Variants in NRG3 observed in about 807,000 individuals in gnomAD.
The protein encoded by NRG3 is neuregulin 3.
NRG3 carries 31 observed loss-of-function variants against 66.9 expected under a neutral mutation model. The observed-to-expected ratio is 0.46, with a 90% CI of 0.35 to 0.63. NRG3 has a LOEUF of 0.63. Ranked by LOEUF, NRG3 falls within the 20% of genes least tolerant of loss-of-function variation. The pLI, the probability that NRG3 is intolerant of heterozygous loss-of-function variation, is 0.00. For missense variants in NRG3, 910 were observed against 878.9 expected (o/e 1.04, Z -0.45); for synonymous variants, 393 against 359.4 (o/e 1.09, Z -1.06).
intron 1 of NRG3, among the ~76,000 whole-genome samples, chr10:81,978,262 T>C (rs964392496): frequency 1.3e-5 from 2 of 152,236 alleles, no homozygotes; most frequent in Non-Finnish European, 2.9e-5. Context: ...GTTATAGATT[T>C]TGATAGTGGG....
At chr10:82,584,942 A>G (rs1320824697) in intron 2 of NRG3, among the ~76,000 whole-genome samples, 2 of 143,186 alleles carry the variant, frequency 1.4e-5, no homozygotes, top group African/African-American at 5.3e-5. Flanking sequence ...ATCAAGATTT[A>G]CTGGAGGATC....
chr10:82,395,170 C>G (rs573279739), intron 2 of NRG3, among the ~76,000 whole-genome samples: 1 of 152,120 alleles, frequency 6.6e-6, no homozygotes, highest in Non-Finnish European at 1.5e-5. Flanking sequence ...CAAAGTACAA[C>G]GCGTAAATGC....
chr10:82,967,578 T>A, intron 6 of NRG3, among the ~76,000 whole-genome samples: 1 of 152,214 alleles, frequency 6.6e-6, no homozygotes, highest in East Asian at 1.9e-4. Context: ...TGAACACTTG[T>A]GACCTTCAGA....
chr10:82,637,055 T>C (rs1300499580), intron 2 of NRG3, among the ~76,000 whole-genome samples: 1 of 152,168 alleles, frequency 6.6e-6, no homozygotes, highest in East Asian at 1.9e-4. Context: ...AATGACTAGA[T>C]TGTAACTGCT....
At chr10:82,761,915 TTTC>T in intron 3 of NRG3, among the ~76,000 whole-genome samples, 1 of 132,394 alleles carries the variant, frequency 7.6e-6, no homozygotes, top group East Asian at 2.1e-4. Flanking sequence ...TTCTTCTTTC[TTTC>T]TTTCTCTTTC....
intron 3 of NRG3, among the ~76,000 whole-genome samples, chr10:82,797,773 C>G (rs1026199934): frequency 2.0e-5 from 3 of 152,068 alleles, no homozygotes; most frequent in Non-Finnish European, 2.9e-5. Context: ...ATTGGTAGAT[C>G]GGAGTTGTCT....
chr10:82,091,063 GT>G (rs920425492), intron 1 of NRG3, among the ~76,000 whole-genome samples: 4,131 of 148,748 alleles, frequency 0.028, 196 homozygotes, highest in African/African-American at 0.097. Flanking sequence ...AGACTAGTTT[GT>G]TTTTTTTTTA....
chr10:82,380,766 T>C (rs181697662), intron 2 of NRG3, among the ~76,000 whole-genome samples: 36 of 152,314 alleles, frequency 2.4e-4, no homozygotes, highest in African/African-American at 1.9e-4. Flanking sequence ...ACCAGTCACA[T>C]TGCACATGTA....
At chr10:81,900,239 C>T (rs747030918) in intron 1 of NRG3, among the ~76,000 whole-genome samples, 20 of 148,190 alleles carry the variant, frequency 1.3e-4, no homozygotes, top group Non-Finnish European at 2.2e-4. Context: ...TGAGCCAATG[C>T]GCCTGGCCGG....
At chr10:82,483,114 T>C (rs1842417385) in intron 2 of NRG3, among the ~76,000 whole-genome samples, 5 of 152,052 alleles carry the variant, frequency 3.3e-5, no homozygotes, top group Admixed American at 3.3e-4. Context: ...AAAAAAGTAA[T>C]TTGATGTGGG....
At chr10:82,129,345 A>G (rs11192642) in intron 1 of NRG3, among the ~76,000 whole-genome samples, 3,395 of 152,248 alleles carry the variant, frequency 0.022, 139 homozygotes, top group East Asian at 0.15. Flanking sequence ...ATGCATGGTT[A>G]GTTTAAAGTT....
At chr10:81,941,765 T>G (rs1848422421) in intron 1 of NRG3, among the ~76,000 whole-genome samples, 1 of 152,140 alleles carries the variant, frequency 6.6e-6, no homozygotes, top group African/African-American at 2.4e-5. Flanking sequence ...TAACCCATGA[T>G]ATCTTCTTGG....
chr10:82,012,902 C>T (rs558951540), intron 1 of NRG3, among the ~76,000 whole-genome samples: 1 of 152,310 alleles, frequency 6.6e-6, no homozygotes, highest in East Asian at 1.9e-4. Context: ...TTCAACAAAT[C>T]TCTAGGAAGT....
intron 1 of NRG3, among the ~76,000 whole-genome samples, chr10:81,921,137 C>A (rs1221696502): frequency 2.6e-5 from 4 of 152,086 alleles, no homozygotes; most frequent in Non-Finnish European, 2.9e-5. Flanking sequence ...TTAGCCAATA[C>A]TGAGGCTTGT....
intron 1 of NRG3, among the ~76,000 whole-genome samples, chr10:82,169,175 T>C (rs1381973154): frequency 1.3e-5 from 2 of 152,160 alleles, no homozygotes; most frequent in African/African-American, 4.8e-5. Context: ...CATATTGGTA[T>C]CTTTATGCAC....
chr10:82,295,365 G>A (rs1457112503), intron 1 of NRG3, among the ~76,000 whole-genome samples: 5 of 152,142 alleles, frequency 3.3e-5, no homozygotes, highest in African/African-American at 1.2e-4. Flanking sequence ...AGTGGCAGGT[G>A]CATTGTAGTG....
chr10:82,021,077 A>G (rs114646289), intron 1 of NRG3, among the ~76,000 whole-genome samples: 4,537 of 152,142 alleles, frequency 0.03, 240 homozygotes, highest in African/African-American at 0.1. Context: ...TAGGACACAG[A>G]CCAATGCCTT....
chr10:82,874,230 C>T (rs768745639), intron 4 of NRG3, among the ~76,000 whole-genome samples: 26 of 151,900 alleles, frequency 1.7e-4, no homozygotes, highest in Non-Finnish European at 2.6e-4. Context: ...AGTTTAGGAT[C>T]CTGTTTAGAT....
In NRG3 at chr10:82,672,811, A is replaced by G. The variant is rs147040740; in HGVS notation, c.954-65766A>G. ...GTCTCCTGGGCTGGAGTGCAGTGGCACGATCTCGGCTTACTGCAACTTTCG... is the reference window on the plus strand; with the variant it reads ...GTCTCCTGGGCTGGAGTGCAGTGGCGCGATCTCGGCTTACTGCAACTTTCG... On this transcript the variant is annotated intron_variant, in intron 2 of 8. Transcript: ENST00000372141. Among the ~76,000 whole-genome samples the G allele has an allele frequency of 1.4e-4, 22 of 152,260 alleles. No homozygotes were observed. In the East Asian group the frequency reaches 3.9e-3, roughly 27 times the overall value.
Sources: gnomAD v4.1 joint callset for allele counts (sites outside exome capture counted in the v4.1 genomes callset) on GRCh38, gnomAD v4.1.1 for gene constraint, MANE v1.5 for transcripts, NCBI Gene and HGNC (gene_info 2026-07-23, HGNC 2026-07-21) for gene names.